The following NOSTRIN variants were observed in gnomAD, a reference collection of about 807,000 sequenced individuals.
NOSTRIN encodes the protein nitric oxide synthase trafficking, also known as BM247 homolog.
In NOSTRIN, 63 loss-of-function variants were observed where a neutral mutation model predicts 59.0. That is an observed-to-expected ratio of 1.07 (90% CI 0.87 to 1.32). The LOEUF is 1.32. Ranked by LOEUF, NOSTRIN falls within the 40% of genes most tolerant of loss-of-function variation. The pLI is 0.00. For synonymous variants in NOSTRIN, 200 were observed against 165.4 expected (o/e 1.21, Z -1.61); for missense variants, 512 against 473.1 (o/e 1.08, Z -0.76).
intron 7 of NOSTRIN, among the ~76,000 whole-genome samples, chr2:168,837,059 G>C (rs1056096160): frequency 3.9e-5 from 6 of 152,120 alleles, no homozygotes; most frequent in African/African-American, 1.4e-4. Context: ...GGTGGAAAGA[G>C]AGCAAGGAAG....
chr2:168,841,666 T>C (rs1471658533), intron 7 of NOSTRIN, among the ~76,000 whole-genome samples: 1 of 152,230 alleles, frequency 6.6e-6, no homozygotes, highest in Non-Finnish European at 1.5e-5. Context: ...ATTTGCCTTA[T>C]CTGTGTTACC....
chr2:168,817,959 G>T (rs1050602824), intron 2 of NOSTRIN, among the ~76,000 whole-genome samples: 17 of 152,190 alleles, frequency 1.1e-4, no homozygotes, highest in Non-Finnish European at 2.9e-5. Flanking sequence ...ACATACCAAT[G>T]AAGTTTGGAT....
intron 14 of NOSTRIN, among the ~76,000 whole-genome samples, chr2:168,861,375 C>T (rs1407328924): frequency 6.6e-6 from 1 of 152,080 alleles, no homozygotes; most frequent in Non-Finnish European, 1.5e-5. Context: ...CACCCACACA[C>T]CACACTGCTC....
exon 1 of NOSTRIN, chr2:168,786,609 A>T (rs1370144762): frequency 3.3e-5 from 5 of 152,148 alleles, no homozygotes; most frequent in Non-Finnish European, 7.4e-5. Context: ...GGGAAGAATC[A>T]GGAGAAAAGG....
chr2:168,833,360 G>A (rs558552778), intron 6 of NOSTRIN, among the ~76,000 whole-genome samples: 110 of 152,306 alleles, frequency 7.2e-4, no homozygotes, highest in South Asian at 4.3e-3. Flanking sequence ...GGCTTCCCAC[G>A]TTTAGAGGGA....
chr2:168,825,511 T>G (rs1441106994), intron 3 of NOSTRIN, among the ~76,000 whole-genome samples: 3 of 152,232 alleles, frequency 2.0e-5, no homozygotes, highest in Non-Finnish European at 4.4e-5. Flanking sequence ...TTTCTTCCTC[T>G]GTTGGACAGA....
In NOSTRIN at chr2:168,862,054, G is replaced by A. The variant is rs1689492298; in HGVS notation, c.1384+5G>A. ...ATGAGTTGAATTTGGAAAAGGGTAA[G>A]AATCATTCTCAAATATTTTAATTGC... On this transcript the variant is annotated splice_donor_5th_base_variant and intron_variant, in intron 15 of 15. Coordinates refer to ENST00000317647, the MANE Select transcript of NOSTRIN (RefSeq NM_001039724.4). 6.2e-7 allele frequency: 1 copy of A among 1,612,466 alleles called. No individual in the cohort carries two copies. The highest frequency in any genetic ancestry group is 1.3e-5 in the African/African-American group (1 of 74,880).
At chr2:168,801,474 C>A (rs76233100), upstream of NOSTRIN, among the ~76,000 whole-genome samples, 2,433 of 152,168 alleles carry the variant, frequency 0.016, 64 homozygotes, top group African/African-American at 0.055. Context: ...CCTCTAGGCT[C>A]GGCCTCCCAA....
At position 168,855,247 on chromosome 2, in the gene NOSTRIN, T is replaced by A. The variant is rs570199980; in HGVS notation, c.856-105T>A. 7 of 548,762 alleles carry A rather than the reference T, an allele frequency of 1.3e-5. No individual in the cohort carries two copies. The South Asian group carries it at 2.7e-4, about 21-fold the overall frequency. 34.0% of individuals were successfully genotyped at this position (548,762 alleles called of 1,614,324 possible). ...TCCTGCTTAAAAATTTTGTTTTATT[T>A]TATAAAGTTAAAATTAAATGCAGCC... is the stretch of plus-strand genomic sequence containing the variant. On this transcript the variant is annotated intron_variant, in intron 10 of 15. Transcript: ENST00000317647.
rs1687531782 is a variant in NOSTRIN, at chr2:168,834,083, A to AT, written c.406-139dup. On this transcript the variant is annotated intron_variant, in intron 6 of 15. Coordinates refer to ENST00000317647, the MANE Select transcript of NOSTRIN (RefSeq NM_001039724.4). ...TGGGAATGAAGAACTAAAAGTACAC[A>AT]TTTTTGTTTCAGCCTTTGGAGGATT... The AT allele has an allele frequency of 1.1e-5, 6 of 568,744 alleles. No individual in the cohort carries two copies. In the South Asian group the frequency reaches 1.5e-4, roughly 14 times the overall value. 35.2% of individuals were successfully genotyped at this position (568,744 alleles called of 1,614,324 possible).
At chr2:168,854,833 T>G (rs1245070364) in intron 10 of NOSTRIN, among the ~76,000 whole-genome samples, 1 of 152,210 alleles carries the variant, frequency 6.6e-6, no homozygotes, top group Non-Finnish European at 1.5e-5. Flanking sequence ...TCTTTAATGT[T>G]ATGCTTCAAG....
At chr2:168,792,080 T>A (rs1223545376) in intron 2 of NOSTRIN, among the ~76,000 whole-genome samples, 1 of 152,172 alleles carries the variant, frequency 6.6e-6, no homozygotes, top group African/African-American at 2.4e-5. Flanking sequence ...CTGAATGGTA[T>A]TGCCTAGGTT....
In NOSTRIN at chr2:168,824,651, G is replaced by A; in HGVS notation, c.131G>A (p.Ser44Asn). ...VLQQRANLEI[S>N]YAKGLQKLAS... ...TCTAACAGGGCAAACCTGGAAATTA[G>A]CTATGCCAAAGGACTTCAGAAACTG... The change falls in exon 3 of 16, where the codon AGC becomes AAC. Residue 44 changes from serine (S) to asparagine (N), a missense_variant. Transcript: ENST00000317647. The A allele has an allele frequency of 2.3e-6, 2 of 872,672 alleles. No individual in the cohort carries two copies. The highest frequency in any genetic ancestry group is 4.0e-6 in the Non-Finnish European group (2 of 501,510). The allele number at this position is 872,672 out of a possible 1,614,324, so 54.1% of individuals were successfully genotyped here.
intron 7 of NOSTRIN, 141 bp from the exon 8 acceptor site, chr2:168,842,851 T>C: frequency 1.6e-6 from 1 of 635,098 alleles, no homozygotes; most frequent in East Asian, 2.6e-5. Flanking sequence ...ATCTTTCATT[T>C]TGTCAACTAT....
At chr2:168,844,886 AAAG>A (rs1311422098) in intron 8 of NOSTRIN, among the ~76,000 whole-genome samples, 1 of 151,018 alleles carries the variant, frequency 6.6e-6, no homozygotes, top group East Asian at 1.9e-4. Flanking sequence ...AAAAAAAAAA[AAAG>A]ATTCAGCCTG....
intron 7 of NOSTRIN, among the ~76,000 whole-genome samples, chr2:168,837,344 G>T: frequency 1.1e-5 from 1 of 92,904 alleles, no homozygotes; most frequent in Non-Finnish European, 1.9e-5. Flanking sequence ...GAGTCTTGCT[G>T]TGTCGCCCAG....
At chr2:168,792,070 C>T (rs1685370286) in intron 2 of NOSTRIN, among the ~76,000 whole-genome samples, 1 of 152,070 alleles carries the variant, frequency 6.6e-6, no homozygotes, top group African/African-American at 2.4e-5. Flanking sequence ...TGCCTATGTC[C>T]TGAATGGTAT....
At chr2:168,840,264 C>T (rs1177728432) in intron 7 of NOSTRIN, among the ~76,000 whole-genome samples, 1 of 152,124 alleles carries the variant, frequency 6.6e-6, no homozygotes, top group Admixed American at 6.5e-5. Flanking sequence ...GGCGCGGTGG[C>T]TCACGCCTGT....
intron 2 of NOSTRIN, among the ~76,000 whole-genome samples, chr2:168,823,288 T>A (rs751164118): frequency 2.0e-5 from 3 of 152,052 alleles, no homozygotes; most frequent in Non-Finnish European, 4.4e-5. Flanking sequence ...AATGCTAGGA[T>A]TACAGGCGTG....
Sources: allele counts gnomAD v4.1 joint callset (sites outside exome capture counted in the v4.1 genomes callset), GRCh38; gene constraint gnomAD v4.1.1; transcripts MANE v1.5; gene names NCBI Gene and HGNC (gene_info 2026-07-23, HGNC 2026-07-21).